ARHGEF38: variants seen among roughly 807,000 people sequenced by gnomAD.
The protein encoded by ARHGEF38 is Rho guanine nucleotide exchange factor (GEF) 38.
ARHGEF38 carries 79 observed loss-of-function variants against 79.9 expected under a neutral mutation model. The observed-to-expected ratio is 0.99, with a 90% CI of 0.82 to 1.19. The LOEUF (loss-of-function observed/expected upper bound fraction) is 1.19. Ranked by LOEUF, ARHGEF38 falls within the 50% of genes most tolerant of loss-of-function variation. The probability of loss-of-function intolerance (pLI) is 0.00; values close to 1 mark genes in which losing one functional copy is unlikely to be tolerated. For missense variants in ARHGEF38, 962 were observed against 907.2 expected (o/e 1.06, Z -0.78); for synonymous variants, 366 against 328.3 (o/e 1.11, Z -1.24).
chr4:105,589,204 A>T, intron 1 of ARHGEF38, 44 bp from the exon 2 acceptor site: 1 of 1,516,316 alleles, frequency 6.6e-7, no homozygotes, highest in Non-Finnish European at 8.9e-7. Context: ...AGGAAAAAGA[A>T]ACCTCAGCAG....
At chr4:105,608,312 G>A (rs1292531848) in intron 2 of ARHGEF38, among the ~76,000 whole-genome samples, 1 of 151,958 alleles carries the variant, frequency 6.6e-6, no homozygotes, top group East Asian at 1.9e-4. Context: ...TTTGTCTGAT[G>A]ATAGTGATAT....
intron 3 of ARHGEF38, among the ~76,000 whole-genome samples, chr4:105,616,148 T>C (rs1466444823): frequency 2.6e-5 from 4 of 152,200 alleles, no homozygotes; most frequent in African/African-American, 9.7e-5. Context: ...TAGAGGCTCT[T>C]GCTATGGTAA....
chr4:105,637,138 T>C (rs1296524023), intron 5 of ARHGEF38, among the ~76,000 whole-genome samples: 1 of 152,142 alleles, frequency 6.6e-6, no homozygotes, highest in Non-Finnish European at 1.5e-5. Context: ...AGTGTGTGTT[T>C]GCTTGTGTGT....
chr4:105,566,233 C>A (rs1389907540), intron 1 of ARHGEF38, among the ~76,000 whole-genome samples: 7 of 152,152 alleles, frequency 4.6e-5, no homozygotes, highest in Admixed American at 1.3e-4. Flanking sequence ...TTTTTTGCCA[C>A]CAAGCCTTTA....
chr4:105,639,296 T>G (rs1729525409), intron 5 of ARHGEF38, among the ~76,000 whole-genome samples: 1 of 152,062 alleles, frequency 6.6e-6, no homozygotes, highest in South Asian at 2.1e-4. Flanking sequence ...GTCTTATGTA[T>G]TATATATAAT....
chr4:105,660,034 G>C (rs544914898), intron 10 of ARHGEF38, among the ~76,000 whole-genome samples: 1 of 152,200 alleles, frequency 6.6e-6, no homozygotes, highest in South Asian at 2.1e-4. Context: ...TGAATGAGAT[G>C]GACAGCTATT....
chr4:105,571,581 C>T (rs1726236974), intron 1 of ARHGEF38, among the ~76,000 whole-genome samples: 1 of 152,138 alleles, frequency 6.6e-6, no homozygotes, highest in Non-Finnish European at 1.5e-5. Flanking sequence ...CCTCAGCCTC[C>T]TAAAGTGCTG....
chr4:105,596,199 T>C (rs1439537447), intron 2 of ARHGEF38, among the ~76,000 whole-genome samples: 2 of 152,120 alleles, frequency 1.3e-5, no homozygotes, highest in Non-Finnish European at 2.9e-5. Flanking sequence ...TGTGACATCC[T>C]ACAAAATCTC....
intron 1 of ARHGEF38, among the ~76,000 whole-genome samples, chr4:105,578,238 G>A (rs1726599128): frequency 1.3e-5 from 2 of 152,108 alleles, no homozygotes; most frequent in South Asian, 2.1e-4. Context: ...AGCTATGGGG[G>A]TTCCTTGTGG....
intron 13 of ARHGEF38, among the ~76,000 whole-genome samples, chr4:105,669,375 C>T (rs1730881650): frequency 1.3e-5 from 2 of 152,046 alleles, no homozygotes; most frequent in African/African-American, 4.8e-5. Flanking sequence ...AACAATATTT[C>T]AAGGAAGGGG....
chr4:105,552,698 C>T lies in ARHGEF38; in HGVS notation c.-68C>T. On this transcript the variant is annotated 5_prime_UTR_variant, in exon 1 of 14. Transcript: ENST00000420470. ...AAACTCGTCACTCTAGTAGCTTTAACCCTCACCCTGAGGCACCTTAGCAAT... is the reference window on the plus strand; with the variant it reads ...AAACTCGTCACTCTAGTAGCTTTAATCCTCACCCTGAGGCACCTTAGCAAT... 4.4e-6 allele frequency: 6 copies of T among 1,348,804 alleles called. No individual in the cohort carries two copies. The highest frequency in any genetic ancestry group is 6.1e-6 in the Non-Finnish European group (6 of 977,642). 83.6% of individuals were successfully genotyped at this position (1,348,804 alleles called of 1,614,324 possible). A position where few individuals can be genotyped will look rare whatever the true frequency, so the allele number is the denominator to read the frequency against.
intron 1 of ARHGEF38, among the ~76,000 whole-genome samples, chr4:105,578,667 C>A (rs969753193): frequency 6.6e-6 from 1 of 152,072 alleles, no homozygotes; most frequent in South Asian, 2.1e-4. Flanking sequence ...TATAAAATGA[C>A]CTTTTTGTCT....
rs914387646 is a variant in ARHGEF38 at position 105,552,937 on chromosome 4, A to G, written c.172A>G (p.Thr58Ala). 6.2e-7 allele frequency: 1 copy of G among 1,609,224 alleles called. No homozygotes were observed. Among genetic ancestry groups the G allele is most frequent in the Non-Finnish European group, 8.5e-7 (1 of 1,178,592 alleles). Residue 58 changes from threonine to alanine, a missense_variant, in exon 1 of 14, where the codon ACC (threonine) becomes GCC (alanine). By Grantham distance (58) the Thr-to-Ala change is moderately conservative. Transcript: ENST00000420470. The part of the protein sequence containing the change: ...GTLRRSQSDR[T>A]EYNQKLQEKM... ...CTTGAGGAGGAGCCAATCTGACAGG[A>G]CCGAATACAACCAGAAATTACAAGG... is the stretch of plus-strand genomic sequence containing the variant.
At chr4:105,623,911 T>C (rs1728841122) in intron 3 of ARHGEF38, among the ~76,000 whole-genome samples, 1 of 152,178 alleles carries the variant, frequency 6.6e-6, no homozygotes, top group South Asian at 2.1e-4. Flanking sequence ...CATGGCCAGA[T>C]GTACTGAGTG....
intron 2 of ARHGEF38, among the ~76,000 whole-genome samples, chr4:105,605,237 C>T (rs1181219668): frequency 6.6e-6 from 1 of 152,082 alleles, no homozygotes; most frequent in African/African-American, 2.4e-5. Context: ...AATAACTTTG[C>T]TTTTCTATTA....
Position 105,667,598 on chromosome 4 carries a change from C to T in ARHGEF38, c.2043C>T (p.Thr681=). 6.5e-7 allele frequency: 1 copy of T among 1,536,682 alleles called. No individual in the cohort carries two copies. Among genetic ancestry groups the T allele is most frequent in the Non-Finnish European group, 8.7e-7 (1 of 1,147,038 alleles). Residue 681 remains threonine (T), a synonymous_variant, in exon 13 of 14, where the codon ACC becomes ACT. Coordinates refer to ENST00000420470, the MANE Select transcript of ARHGEF38 (RefSeq NM_001242729.2). ...CAGCTAGTGACAGTGTCACAGGCACCTCAGAAAGCAGCATTGGTGATAGCA... is the reference window on the plus strand; with the variant it reads ...CAGCTAGTGACAGTGTCACAGGCACTTCAGAAAGCAGCATTGGTGATAGCA... The part of the protein sequence containing the change: ...SRPASDSVTG[T]SESSIGDSSS...
intron 2 of ARHGEF38, among the ~76,000 whole-genome samples, chr4:105,602,926 T>G (rs1727887012): frequency 1.3e-5 from 2 of 152,236 alleles, no homozygotes; most frequent in South Asian, 4.1e-4. Context: ...TCCTTATCCT[T>G]ATTGTCTGTG....
At chr4:105,620,266 T>C (rs1728685639) in intron 3 of ARHGEF38, among the ~76,000 whole-genome samples, 1 of 152,172 alleles carries the variant, frequency 6.6e-6, no homozygotes, top group Non-Finnish European at 1.5e-5. Context: ...AACACATGGG[T>C]TTTAATATCA....
intron 1 of ARHGEF38, among the ~76,000 whole-genome samples, chr4:105,572,541 C>G (rs997345442): frequency 6.6e-6 from 1 of 152,150 alleles, no homozygotes; most frequent in Non-Finnish European, 1.5e-5. Context: ...CAATAACTCT[C>G]TCTTCCCCCC....
Sources: gnomAD v4.1 joint callset for allele counts (sites outside exome capture counted in the v4.1 genomes callset) on GRCh38, gnomAD v4.1.1 for gene constraint, MANE v1.5 for transcripts, NCBI Gene and HGNC (gene_info 2026-07-23, HGNC 2026-07-21) for gene names.